FAM120C: variants seen among roughly 807,000 people sequenced by gnomAD.
FAM120C encodes the protein family with sequence similarity 120 member C.
A neutral mutation model predicts 71.2 loss-of-function variants in FAM120C; 14 were observed. That is an observed-to-expected ratio of 0.20 (90% confidence interval 0.13 to 0.31). The LOEUF is 0.31. FAM120C is among the 10% of genes least tolerant of loss of function. FAM120C has a pLI of 1.00. For missense variants in FAM120C, 500 were observed against 879.0 expected (o/e 0.57, Z 5.45); for synonymous variants, 354 against 353.2 (o/e 1.00, Z -0.03).
intron 15 of FAM120C, among the ~76,000 whole-genome samples, chrX:54,079,218 C>T (rs1381173052): frequency 2.0e-5 from 2 of 99,978 alleles, no homozygotes; most frequent in African/African-American, 3.7e-5. Context: ...GCCGAGATCG[C>T]GCCACTGCAC....
rs2067366605 is a variant in FAM120C at position 54,183,229 on chromosome X, T to C, written c.-31A>G. The C allele has an allele frequency of 5.3e-6, 5 of 936,568 alleles. No individual in the cohort carries two copies. The highest frequency in any genetic ancestry group is 2.3e-5 in the African/African-American group (1 of 43,529). The allele number at this position is 936,568 out of a possible 1,213,427, so 77.2% of individuals were successfully genotyped here. ...GTCGGTGGGCAGACGCGATAGCGGC[T>C]GCGCAAGCAGGATAGGCGACGATCT... On this transcript the variant is annotated 5_prime_UTR_variant, in exon 1 of 16. Transcript: ENST00000375180.
intron 10 of FAM120C, among the ~76,000 whole-genome samples, chrX:54,107,449 T>C (rs782115222): frequency 1.8e-5 from 2 of 110,130 alleles, no homozygotes; most frequent in Non-Finnish European, 3.8e-5. Context: ...AGAGTTAATA[T>C]GGGACAATGT....
rs1180267731 is a variant in FAM120C at position 54,136,631 on chromosome X, A to G, written c.1159-41T>C. On this transcript the variant is annotated intron_variant, in intron 4 of 15. Coordinates refer to ENST00000375180, the MANE Select transcript of FAM120C (RefSeq NM_017848.6). ...TCAGATTTTCAGAAGAAAAAACATG[A>G]GAGTGTTTTTTTAATACAGTTCATA... 11 of 915,640 alleles carry G rather than the reference A, an allele frequency of 1.2e-5. No individual in the cohort carries two copies. The African/African-American group carries it at 1.7e-4, about 15-fold the overall frequency. The allele number at this position is 915,640 out of a possible 1,213,427, so 75.5% of individuals were successfully genotyped here.
At chrX:54,167,783 G>A (rs1337128676) in intron 1 of FAM120C, among the ~76,000 whole-genome samples, 2 of 100,572 alleles carry the variant, frequency 2.0e-5, no homozygotes, top group African/African-American at 4.1e-5. Flanking sequence ...TGGCCAATAT[G>A]GTGAAACCCC....
At chrX:54,149,454 A>G (rs782378135) in intron 4 of FAM120C, among the ~76,000 whole-genome samples, 8 of 111,078 alleles carry the variant, frequency 7.2e-5, no homozygotes, top group Admixed American at 1.9e-4. Flanking sequence ...CCTGGCCAAT[A>G]TGCTGAAACC....
At chrX:54,108,611 G>A (rs1557125197) in intron 10 of FAM120C, among the ~76,000 whole-genome samples, 1 of 111,372 alleles carries the variant, frequency 9.0e-6, no homozygotes, top group Non-Finnish European at 1.9e-5. Flanking sequence ...TAGAATCCAT[G>A]AATGAACTTA....
At chrX:54,118,699 CTTTTTTTT>C (rs1187381929) in intron 9 of FAM120C, among the ~76,000 whole-genome samples, 186 of 31,734 alleles carry the variant, frequency 5.9e-3, no homozygotes, top group African/African-American at 0.015. Flanking sequence ...TTCTTTTTTT[CTTTTTTTT>C]TTTTTTTTTT....
chrX:54,104,405 G>A (rs1282240297), intron 10 of FAM120C, among the ~76,000 whole-genome samples: 1 of 111,860 alleles, frequency 8.9e-6, no homozygotes, highest in African/African-American at 3.2e-5. Flanking sequence ...GATATTGCTG[G>A]ACAATGCAGT....
chrX:54,134,773 C>G, intron 7 of FAM120C, 58 bp downstream of exon 7: 1 of 1,112,622 alleles, frequency 9.0e-7, no homozygotes, highest in South Asian at 2.3e-5. Flanking sequence ...ATCTAACAAG[C>G]AAAATAATAC....
chrX:54,169,814 C>A (rs2067278477), intron 1 of FAM120C, among the ~76,000 whole-genome samples: 1 of 112,466 alleles, frequency 8.9e-6, no homozygotes, highest in Non-Finnish European at 1.9e-5. Flanking sequence ...TAATTACAGA[C>A]TGAAACTACT....
At chrX:54,073,426 G>T in intron 15 of FAM120C, 139 bp from the exon 16 acceptor site, 5 of 524,002 alleles carry the variant, frequency 9.5e-6, no homozygotes, top group Non-Finnish European at 1.1e-5. Flanking sequence ...TTGACAACTA[G>T]TACAATCTTT....
chrX:54,091,409 G>C lies in FAM120C; in HGVS notation c.2330C>G (p.Pro777Arg). 1 of 1,205,301 alleles carries C rather than the reference G, an allele frequency of 8.3e-7. No individual in the cohort carries two copies. Among genetic ancestry groups the C allele is most frequent in the Non-Finnish European group, 1.1e-6 (1 of 889,802 alleles). Reference protein sequence around the residue: ...CCVLRYMVQWPGGRILHRHEL... With the variant: ...CCVLRYMVQWRGGRILHRHEL... ...ATGGCGATGCAGGATTCGGCCACCA[G>C]GCCACTGAACCATGTACCTAGAAAA... is the stretch of plus-strand genomic sequence containing the variant. Residue 777 changes from proline to arginine, a missense_variant, in exon 11 of 16, where the codon CCT becomes CGT. Pro to Arg is a moderately radical substitution (Grantham distance 103, BLOSUM62 -2). Around this residue, in one of 11 missense-constraint regions of FAM120C, gnomAD observed 104 missense variants for 254.5 expected, o/e 0.41. Coordinates refer to ENST00000375180, the MANE Select transcript of FAM120C (RefSeq NM_017848.6).
chrX:54,129,528 T>C (rs782475033), intron 9 of FAM120C, among the ~76,000 whole-genome samples: 1 of 104,861 alleles, frequency 9.5e-6, no homozygotes, highest in South Asian at 4.5e-4. Flanking sequence ...CGCTCCTCAC[T>C]TTCCAGACTG....
chrX:54,172,614 GAGTCCA>G (rs1474234879), intron 1 of FAM120C, among the ~76,000 whole-genome samples: 1 of 111,882 alleles, frequency 8.9e-6, no homozygotes, highest in Non-Finnish European at 1.9e-5. Flanking sequence ...TACCTGTGAT[GAGTCCA>G]AGAGTCAGGT....
rs1413095550 is a variant in FAM120C, at chrX:54,183,209, T to C, written c.-11A>G. 13 of 1,000,354 alleles carry C rather than the reference T, an allele frequency of 1.3e-5. No homozygotes were observed. The highest frequency in any genetic ancestry group is 1.7e-5 in the Non-Finnish European group (13 of 785,219). 82.4% of individuals were successfully genotyped at this position (1,000,354 alleles called of 1,213,427 possible). A position where few individuals can be genotyped will look rare whatever the true frequency, so the allele number is the denominator to read the frequency against. On this transcript the variant is annotated 5_prime_UTR_variant, in exon 1 of 16. Coordinates refer to ENST00000375180, the MANE Select transcript of FAM120C (RefSeq NM_017848.6). ...GCCCTGGACACCCATGCTTCGTCGG[T>C]GGGCAGACGCGATAGCGGCTGCGCA...
At position 54,085,807 on chromosome X, in the gene FAM120C, G is replaced by A. The variant is rs782272855; in HGVS notation, c.2747C>T (p.Pro916Leu). 2 of 1,209,589 alleles carry A rather than the reference G, an allele frequency of 1.7e-6. No homozygotes were observed. Among genetic ancestry groups the A allele is most frequent in the African/African-American group, 3.5e-5 (2 of 57,145 alleles). The change falls in exon 13 of 16, where the codon CCC (proline) becomes CTC (leucine). Residue 916 changes from proline to leucine, a missense_variant. Physicochemically the swap from Pro to Leu is moderately conservative, Grantham distance 98. Coordinates refer to ENST00000375180, the MANE Select transcript of FAM120C (RefSeq NM_017848.6). ...AACAGGGTAGAGAGAGGGCACCATG[G>A]GAGGCACAAAAGTAGGTGACGGAAG... ...ALLPSPTFVP[P>L]MVPSLYPVSL... is the part of the protein sequence containing the mutation.
intron 10 of FAM120C, among the ~76,000 whole-genome samples, chrX:54,092,474 G>C (rs2066829135): frequency 9.0e-6 from 1 of 110,704 alleles, no homozygotes; most frequent in Non-Finnish European, 1.9e-5. Flanking sequence ...AAACCTGGGA[G>C]GCGAGGGTTA....
chrX:54,170,906 G>A (rs1334324030), intron 1 of FAM120C, among the ~76,000 whole-genome samples: 2 of 111,515 alleles, frequency 1.8e-5, no homozygotes, highest in East Asian at 2.8e-4. Context: ...AGAAGTCAGA[G>A]GTATCATGAA....
chrX:54,075,676 G>C (rs1001992103), intron 15 of FAM120C, among the ~76,000 whole-genome samples: 2 of 108,678 alleles, frequency 1.8e-5, no homozygotes, highest in South Asian at 4.1e-4. Context: ...GCGGGCGCCT[G>C]TAATCCCAGC....
Sources: gnomAD v4.1 joint callset for allele counts (sites outside exome capture counted in the v4.1 genomes callset) on GRCh38, gnomAD v4.1.1 for gene constraint, gnomAD v4.1.1 regional missense constraint, MANE v1.5 for transcripts, NCBI Gene and HGNC (gene_info 2026-07-23, HGNC 2026-07-21) for gene names.